Variants in SMOC1 observed in about 807,000 individuals in gnomAD.
SMOC1 encodes SPARC related modular calcium binding 1.
A neutral mutation model predicts 56.3 loss-of-function variants in SMOC1; 22 were observed. The ratio of observed to expected loss-of-function variants is 0.39; its 90% CI spans 0.28 to 0.56. The LOEUF (loss-of-function observed/expected upper bound fraction) is 0.56, where lower values mean the gene tolerates loss of function less well. Among genes scored for constraint, SMOC1 ranks in the 20% least tolerant of loss-of-function variants. The pLI is 0.61. For synonymous variants in SMOC1, 193 were observed against 215.0 expected (o/e 0.90, Z 0.89); for missense variants, 509 against 565.4 (o/e 0.90, Z 1.01).
intron 7 of SMOC1, among the ~76,000 whole-genome samples, chr14:70,002,613 T>C (rs1378912733): frequency 3.3e-5 from 5 of 152,216 alleles, no homozygotes; most frequent in Non-Finnish European, 7.3e-5. Context: ...GAATTGGCGA[T>C]GGCCAAGTGG....
chr14:69,887,941 C>A (rs574132717), intron 1 of SMOC1, among the ~76,000 whole-genome samples: 1 of 152,284 alleles, frequency 6.6e-6, no homozygotes, highest in African/African-American at 2.4e-5. Context: ...CCTCCCCTCA[C>A]CGCCTTTTGC....
intron 1 of SMOC1, among the ~76,000 whole-genome samples, chr14:69,897,330 G>A (rs1384065580): frequency 1.3e-5 from 2 of 152,220 alleles, no homozygotes; most frequent in Non-Finnish European, 2.9e-5. Context: ...GCTTGGGCCA[G>A]CCACACCTAC....
chr14:70,012,860 T>C (rs1885389300), intron 9 of SMOC1, among the ~76,000 whole-genome samples: 2 of 152,210 alleles, frequency 1.3e-5, no homozygotes, highest in South Asian at 2.1e-4. Flanking sequence ...GCTGTAGTTA[T>C]AATGTAAGAT....
At chr14:70,021,337 G>A (rs570379828) in intron 10 of SMOC1, among the ~76,000 whole-genome samples, 2 of 152,292 alleles carry the variant, frequency 1.3e-5, no homozygotes, top group South Asian at 4.1e-4. Flanking sequence ...GCACTGCAGG[G>A]GCCGTCTTAA....
At position 69,914,309 on chromosome 14, in the gene SMOC1, G is replaced by A. The variant is rs117981851; in HGVS notation, c.99+34532G>A. Among the ~76,000 whole-genome samples the A allele has an allele frequency of 1.5e-4, 23 of 152,314 alleles. No homozygotes were observed. The East Asian group carries it at 4.4e-3, about 29-fold the overall frequency. On this transcript the variant is annotated intron_variant, in intron 1 of 11. Coordinates refer to ENST00000361956, the MANE Select transcript of SMOC1 (RefSeq NM_001034852.3). ...GCAAATACTAAACTCTGCCACTATA[G>A]TGCAAAAGCAGCCACAGTTAATATG... is the stretch of plus-strand genomic sequence containing the variant.
At chr14:69,947,087 G>GCATTCCTTCCTTCCTT (rs1882810156) in intron 1 of SMOC1, among the ~76,000 whole-genome samples, 1 of 143,360 alleles carries the variant, frequency 7.0e-6, no homozygotes, top group Non-Finnish European at 1.5e-5. Flanking sequence ...TCTCAGGCCG[G>GCATTCCTTCCTTCCTT]CCTTCCTTCC....
At chr14:70,010,972 G>GA in intron 8 of SMOC1, 26 bp downstream of exon 8, 1 of 1,611,270 alleles carries the variant, frequency 6.2e-7, no homozygotes. Context: ...TGGGTCCTGG[G>GA]AAAAACGCAC....
chr14:69,992,282 CT>C, intron 5 of SMOC1, 134 bp from the exon 6 acceptor site: 1 of 778,186 alleles, frequency 1.3e-6, no homozygotes, highest in Non-Finnish European at 2.2e-6. Context: ...TCTTTTGTTT[CT>C]TTTTCTTTGT....
rs79448601 is a variant in SMOC1, at chr14:69,933,395, T to C, written c.100-18743T>C. Among the ~76,000 whole-genome samples, 4 of 152,270 alleles carry C rather than the reference T, an allele frequency of 2.6e-5. 1 individual carries two copies. In the East Asian group the frequency reaches 7.7e-4, roughly 29 times the overall value. On this transcript the variant is annotated intron_variant, in intron 1 of 11. Coordinates refer to ENST00000361956, the MANE Select transcript of SMOC1 (RefSeq NM_001034852.3). Reference sequence around the variant, plus strand: ...TTTTTCACTACGGTTAGTTAACACATGTACTGTTTCTGAATTTAAAACTCG... The same window carrying C: ...TTTTTCACTACGGTTAGTTAACACACGTACTGTTTCTGAATTTAAAACTCG...
At chr14:69,980,625 C>T (rs1239329254) in intron 5 of SMOC1, among the ~76,000 whole-genome samples, 2 of 152,176 alleles carry the variant, frequency 1.3e-5, no homozygotes, top group Admixed American at 6.5e-5. Flanking sequence ...TATCCTGTGT[C>T]GACTAGCCAA....
At chr14:69,961,027 C>T (rs1490880476) in intron 3 of SMOC1, among the ~76,000 whole-genome samples, 1 of 151,930 alleles carries the variant, frequency 6.6e-6, no homozygotes, top group Non-Finnish European at 1.5e-5. Flanking sequence ...TTTTGTCACC[C>T]GAGAAGAAAT....
intron 3 of SMOC1, among the ~76,000 whole-genome samples, chr14:69,964,438 C>T (rs963524045): frequency 1.7e-4 from 25 of 149,428 alleles, no homozygotes; most frequent in Admixed American, 6.7e-4. Context: ...AGTGTAGTGG[C>T]GCGATCTTGG....
intron 5 of SMOC1, among the ~76,000 whole-genome samples, chr14:69,987,425 C>T (rs1332981023): frequency 6.6e-6 from 1 of 152,158 alleles, no homozygotes; most frequent in African/African-American, 2.4e-5. Flanking sequence ...AATACAGATT[C>T]CTCCTCTGGC....
At chr14:69,895,942 G>A (rs1000516075) in intron 1 of SMOC1, among the ~76,000 whole-genome samples, 3 of 150,710 alleles carry the variant, frequency 2.0e-5, no homozygotes, top group African/African-American at 7.3e-5. Context: ...GAACTCTTGG[G>A]GCTCATATGA....
chr14:69,888,756 A>G (rs1883879904), intron 1 of SMOC1, among the ~76,000 whole-genome samples: 1 of 152,138 alleles, frequency 6.6e-6, no homozygotes, highest in Non-Finnish European at 1.5e-5. Flanking sequence ...CTAGATATGC[A>G]TTCTAAGGCA....
intron 5 of SMOC1, among the ~76,000 whole-genome samples, chr14:69,983,745 T>G (rs1884264570): frequency 6.6e-6 from 1 of 152,200 alleles, no homozygotes; most frequent in South Asian, 2.1e-4. Flanking sequence ...TGAGAGTATG[T>G]TCATTTGCTC....
rs57437803 is a variant in SMOC1 at position 69,913,065 on chromosome 14, C to T, written c.99+33288C>T. Among the ~76,000 whole-genome samples the T allele has an allele frequency of 7.7e-3, 1,165 of 152,206 alleles. 15 individuals carry two copies. Among genetic ancestry groups the T allele is most frequent in the African/African-American group, 0.025 (1,058 of 41,500 alleles). On this transcript the variant is annotated intron_variant, in intron 1 of 11. Transcript: ENST00000361956. Reference sequence around the variant, plus strand: ...ACACAGATCATGCACAGTTTGACAACGAAGAAGGGTAGAAAAAACCCAGAT... The same window carrying T: ...ACACAGATCATGCACAGTTTGACAATGAAGAAGGGTAGAAAAAACCCAGAT...
At chr14:70,010,588 C>G (rs1339136273) in intron 7 of SMOC1, among the ~76,000 whole-genome samples, 166 bp from the exon 8 acceptor site, 1 of 152,184 alleles carries the variant, frequency 6.6e-6, no homozygotes, top group Non-Finnish European at 1.5e-5. Flanking sequence ...CCTCAGCATG[C>G]GCTGGCATGG....
chr14:69,944,026 C>G (rs533413972), intron 1 of SMOC1, among the ~76,000 whole-genome samples: 1 of 152,348 alleles, frequency 6.6e-6, no homozygotes, highest in South Asian at 2.1e-4. Flanking sequence ...ACTGACTTAA[C>G]CTTGCCCAGC....
Sources: gnomAD v4.1 joint callset for allele counts (sites outside exome capture counted in the v4.1 genomes callset) on GRCh38, gnomAD v4.1.1 for gene constraint, MANE v1.5 for transcripts, NCBI Gene and HGNC (gene_info 2026-07-23, HGNC 2026-07-21) for gene names.